The following XPOT variants were observed in gnomAD, a reference collection of about 807,000 sequenced individuals.
The protein encoded by XPOT is exportin for tRNA.
XPOT carries 34 observed loss-of-function variants against 128.2 expected under a neutral mutation model. The ratio of observed to expected loss-of-function variants is 0.27; its 90% CI spans 0.20 to 0.35. The LOEUF is 0.35. Among genes scored for constraint, XPOT ranks in the 10% least tolerant of loss-of-function variants. The probability of loss-of-function intolerance (pLI) is 1.00; values close to 1 mark genes in which losing one functional copy is unlikely to be tolerated. For missense variants in XPOT, 838 were observed against 1,125.3 expected (o/e 0.74, Z 3.65); for synonymous variants, 348 against 394.3 (o/e 0.88, Z 1.39).
chr12:64,424,686 C>T lies in XPOT; in HGVS notation c.1270C>T (p.Leu424=). Residue 424 remains leucine, a synonymous_variant, in exon 12 of 25, where the codon CTG becomes TTG. Transcript: ENST00000332707. ...RLAQVSPELL[L]ASVRRVFSST... ...TGCTCAAGTTTCACCAGAGTTACTA[C>T]TGGCCTCTGTTCGCAGAGTTTTTAG... 1 of 1,613,330 alleles carries T rather than the reference C, an allele frequency of 6.2e-7. No individual in the cohort carries two copies. Among genetic ancestry groups the T allele is most frequent in the Non-Finnish European group, 8.5e-7 (1 of 1,179,962 alleles).
intron 24 of XPOT, among the ~76,000 whole-genome samples, chr12:64,447,166 T>C (rs772526798): frequency 3.9e-5 from 6 of 152,146 alleles, no homozygotes; most frequent in Non-Finnish European, 8.8e-5. Flanking sequence ...CCCCCATGAT[T>C]CAATCATCTC....
rs558082654 is a variant in XPOT at position 64,443,520 on chromosome 12, T to A, written c.2806-1555T>A. On this transcript the variant is annotated intron_variant, in intron 23 of 24. Coordinates refer to ENST00000332707, the MANE Select transcript of XPOT (RefSeq NM_007235.6). ...CCCAGGCTAGTGTGCAGTGGTGCGATCTTGGCTCACCGCAACCTCTGCCTC... is the reference window on the plus strand; with the variant it reads ...CCCAGGCTAGTGTGCAGTGGTGCGAACTTGGCTCACCGCAACCTCTGCCTC... 7.2e-5 allele frequency among the ~76,000 whole-genome samples: 11 copies of A among 152,262 alleles called. No individual in the cohort carries two copies. In the South Asian group the frequency reaches 2.3e-3, roughly 32 times the overall value.
At chr12:64,415,066 G>T in intron 3 of XPOT, 77 bp downstream of exon 3, 1 of 890,832 alleles carries the variant, frequency 1.1e-6, no homozygotes, top group Non-Finnish European at 1.8e-6. Flanking sequence ...CCTGTATTTG[G>T]AAAGTGTTTT....
At chr12:64,436,557 G>A (rs944858799) in intron 22 of XPOT, among the ~76,000 whole-genome samples, 4 of 152,010 alleles carry the variant, frequency 2.6e-5, no homozygotes, top group Non-Finnish European at 5.9e-5. Flanking sequence ...CACTGTGCCC[G>A]GCCTTGGTTA....
chr12:64,410,209 A>C, intron 2 of XPOT, 114 bp downstream of exon 2: 1 of 882,796 alleles, frequency 1.1e-6, no homozygotes. Flanking sequence ...GAACAGAAAC[A>C]AAAAAATTTG....
chr12:64,424,792 A>G, intron 12 of XPOT, 69 bp downstream of exon 12: 2 of 1,558,314 alleles, frequency 1.3e-6, no homozygotes, highest in South Asian at 2.3e-5. Context: ...GTCAAAATAA[A>G]TGATTCATAT....
Position 64,418,926 on chromosome 12 carries a change from A to G in XPOT, c.321A>G (p.Gln107=). 6 of 1,613,996 alleles carry G rather than the reference A, an allele frequency of 3.7e-6. No homozygotes were observed. The highest frequency in any genetic ancestry group is 5.1e-6 in the Non-Finnish European group (6 of 1,179,918). Residue 107 remains glutamine (Q), a synonymous_variant, in exon 6 of 25, where the codon CAA becomes CAG. Coordinates refer to ENST00000332707, the MANE Select transcript of XPOT (RefSeq NM_007235.6). ...EKTFIRNKAA[Q]VFALLFVTEY... ...CCTTTATACGAAATAAAGCCGCCCA[A>G]GTCTTCGCCTTGCTTTTTGTTACAG...
rs2040381493 is a variant in XPOT, at chr12:64,448,298, GTA to G, written c.*169_*170del. 1 of 644,200 alleles carries G rather than the reference GTA, an allele frequency of 1.6e-6. No individual in the cohort carries two copies. Among genetic ancestry groups the G allele is most frequent in the Admixed American group, 2.6e-5 (1 of 37,894 alleles). 39.9% of individuals were successfully genotyped at this position (644,200 alleles called of 1,614,324 possible). On this transcript the variant is annotated 3_prime_UTR_variant, in exon 25 of 25. Transcript: ENST00000332707. ...AATGGGTGTAATTTTCCTAATACAG[GTA>G]TGTAACAACAAAAGAAGTTGCCTGC... is the stretch of plus-strand genomic sequence containing the variant.
At chr12:64,411,273 G>T (rs1353592408) in intron 2 of XPOT, among the ~76,000 whole-genome samples, 2 of 152,152 alleles carry the variant, frequency 1.3e-5, no homozygotes, top group African/African-American at 4.8e-5. Context: ...AAGTATCATA[G>T]ATCTTTACCT....
chr12:64,410,066 C>T lies in XPOT; in HGVS notation c.31C>T (p.Pro11Ser). 6.2e-7 allele frequency: 1 copy of T among 1,613,788 alleles called. No individual in the cohort carries two copies. Among genetic ancestry groups the T allele is most frequent in the East Asian group, 2.2e-5 (1 of 44,854 alleles). Residue 11 changes from proline to serine, a missense_variant, in exon 2 of 25, where the codon CCA (proline) becomes TCA (serine). This residue lies in a region of XPOT where 761 missense variants were observed against 988.3 expected (regional missense o/e 0.77). Transcript: ENST00000332707. ...TGAACAGGCTCTATTAGGGCTAAATCCAAATGCTGATTCAGACTTTAGACA... is the reference window on the plus strand; with the variant it reads ...TGAACAGGCTCTATTAGGGCTAAATTCAAATGCTGATTCAGACTTTAGACA... The part of the protein sequence containing the change: MDEQALLGLN[P>S]NADSDFRQRA...
Position 64,448,463 on chromosome 12 carries a change from T to TA in XPOT, c.*338dup, listed in dbSNP as rs1316248624. 6 of 210,862 alleles carry TA rather than the reference T, an allele frequency of 2.8e-5. No homozygotes were observed. The highest frequency in any genetic ancestry group is 5.6e-5 in the Non-Finnish European group (6 of 106,752). The allele number at this position is 210,862 out of a possible 1,614,324, so 13.1% of individuals were successfully genotyped here. On this transcript the variant is annotated 3_prime_UTR_variant, in exon 25 of 25. Coordinates refer to ENST00000332707, the MANE Select transcript of XPOT (RefSeq NM_007235.6). ...TAGCAGTGGAAAACAGTGTACTTTT[T>TA]AAAAAATTGCTGAATATAAAATCTT...
At chr12:64,433,715 C>A in intron 19 of XPOT, 112 bp downstream of exon 19, 2 of 1,028,042 alleles carry the variant, frequency 1.9e-6, no homozygotes, top group Non-Finnish European at 2.7e-6. Flanking sequence ...GTTTGCTATC[C>A]CATGGGAAGA....
intron 24 of XPOT, among the ~76,000 whole-genome samples, chr12:64,445,877 G>A (rs995910239): frequency 5.3e-5 from 8 of 152,180 alleles, no homozygotes; most frequent in African/African-American, 1.7e-4. Flanking sequence ...GTAACTTAGT[G>A]TATCACCTGG....
At chr12:64,431,875 A>G (rs1354739231) in intron 18 of XPOT, 52 bp downstream of exon 18, 1 of 1,550,464 alleles carries the variant, frequency 6.4e-7, no homozygotes. Flanking sequence ...AGATGTATTT[A>G]TCTTCAGACA....
chr12:64,441,694 AT>A (rs1565804540), intron 23 of XPOT, among the ~76,000 whole-genome samples: 2 of 151,550 alleles, frequency 1.3e-5, no homozygotes, highest in African/African-American at 2.4e-5. Flanking sequence ...ATTTATTTTT[AT>A]TTTTTTTGAG....
At chr12:64,424,561 A>C (rs61931551) in intron 11 of XPOT, 38 bp from the exon 12 acceptor site, 25 of 1,608,226 alleles carry the variant, frequency 1.6e-5, no homozygotes, top group Non-Finnish European at 2.0e-5. Flanking sequence ...CGATCAACCC[A>C]TAAGTTTTTT....
At chr12:64,429,254 C>T (rs1356584690) in intron 16 of XPOT, among the ~76,000 whole-genome samples, 2 of 152,098 alleles carry the variant, frequency 1.3e-5, no homozygotes, top group Middle Eastern at 3.2e-3. Flanking sequence ...ACCAATTTGC[C>T]TTATGTATTT....
At chr12:64,429,833 A>G (rs1477405633) in intron 16 of XPOT, among the ~76,000 whole-genome samples, 1 of 152,214 alleles carries the variant, frequency 6.6e-6, no homozygotes, top group African/African-American at 2.4e-5. Context: ...GATCATTTAT[A>G]GAGTCTTGTC....
At chr12:64,422,870 T>A in intron 9 of XPOT, 135 bp from the exon 10 acceptor site, 1 of 786,248 alleles carries the variant, frequency 1.3e-6, no homozygotes, top group Non-Finnish European at 1.9e-6. Context: ...GCCACTGCAC[T>A]CCAGCCTGGG....
Sources: gnomAD v4.1 joint callset for allele counts (sites outside exome capture counted in the v4.1 genomes callset) on GRCh38, gnomAD v4.1.1 for gene constraint, gnomAD v4.1.1 regional missense constraint, MANE v1.5 for transcripts, NCBI Gene and HGNC (gene_info 2026-07-23, HGNC 2026-07-21) for gene names.